Variants in EML6 observed in about 807,000 individuals in gnomAD.
EML6 encodes echinoderm microtubule-associated protein-like 6.
Under a neutral mutation model 240.1 loss-of-function variants are expected in EML6, and 154 were observed. The ratio of observed to expected loss-of-function variants is 0.64; its 90% CI spans 0.56 to 0.73. The LOEUF (loss-of-function observed/expected upper bound fraction) is 0.73. Among genes scored for constraint, EML6 ranks in the 30% least tolerant of loss-of-function variants. EML6 has a pLI of 0.00. For missense variants in EML6, 2,964 were observed against 2,474.6 expected, an observed-to-expected ratio of 1.20 and a Z score of -4.20; for synonymous variants, 1,148 against 899.0, an observed-to-expected ratio of 1.28 and a Z score of -4.95.
At chr2:54,957,723 G>A (rs1052974793) in intron 32 of EML6, 67 bp from the exon 33 acceptor site, 21 of 1,447,428 alleles carry the variant, frequency 1.5e-5, no homozygotes, top group Non-Finnish European at 3.8e-6. Flanking sequence ...GACCTCCTGG[G>A]CTGCGGCTCC....
chr2:54,740,721 T>TC (rs397752334), intron 2 of EML6, among the ~76,000 whole-genome samples: 3 of 151,866 alleles, frequency 2.0e-5, no homozygotes, highest in African/African-American at 4.8e-5. Flanking sequence ...TTTTTTTTTT[T>TC]CTTGGGACAA....
intron 26 of EML6, among the ~76,000 whole-genome samples, chr2:54,926,044 G>T (rs148642002): frequency 1.3e-5 from 2 of 152,120 alleles, no homozygotes; most frequent in African/African-American, 4.8e-5. Flanking sequence ...CAGCTTTCAC[G>T]AGATTCTCAG....
In EML6 at chr2:54,853,754, C is replaced by T; in HGVS notation, c.1556C>T (p.Thr519Ile). The T allele has an allele frequency of 2.6e-6, 4 of 1,551,382 alleles. No individual in the cohort carries two copies. Among genetic ancestry groups the T allele is most frequent in the South Asian group, 1.2e-5 (1 of 84,056 alleles). Residue 519 changes from threonine to isoleucine, a missense_variant, in exon 11 of 42, where the codon ACT (threonine) becomes ATT (isoleucine). Physicochemically the swap from Thr to Ile is moderately conservative, Grantham distance 89 (BLOSUM62 -1). Transcript: ENST00000356458. ...ATTTGGCCCAAATACACTGAGGTTA[C>T]TGACATCAACTCAGTGGATGCGAAT... is the stretch of plus-strand genomic sequence containing the variant. ...SGIWPKYTEV[T>I]DINSVDANYN...
At chr2:54,821,832 G>C (rs922237979) in intron 5 of EML6, among the ~76,000 whole-genome samples, 1 of 151,918 alleles carries the variant, frequency 6.6e-6, no homozygotes, top group Admixed American at 6.6e-5. Flanking sequence ...GAATTAAAGA[G>C]GTAAGTTTCA....
At chr2:54,959,902 C>A (rs977647378) in intron 34 of EML6, among the ~76,000 whole-genome samples, 9 of 152,214 alleles carry the variant, frequency 5.9e-5, no homozygotes, top group Non-Finnish European at 1.2e-4. Flanking sequence ...GATGCAGAAG[C>A]AAAGCCTGAA....
intron 28 of EML6, among the ~76,000 whole-genome samples, chr2:54,933,323 C>T (rs1674959598): frequency 6.6e-6 from 1 of 152,286 alleles, no homozygotes; most frequent in African/African-American, 2.4e-5. Flanking sequence ...AATCACTTCA[C>T]CTCTCTGTAA....
intron 2 of EML6, among the ~76,000 whole-genome samples, chr2:54,753,699 T>A (rs1331541037): frequency 6.6e-6 from 1 of 150,684 alleles, no homozygotes; most frequent in African/African-American, 2.5e-5. Flanking sequence ...TGGGTCTGAT[T>A]CTGTGGCTCA....
chr2:54,777,332 G>A (rs1412792197), intron 2 of EML6, among the ~76,000 whole-genome samples: 3 of 152,212 alleles, frequency 2.0e-5, no homozygotes, highest in Non-Finnish European at 4.4e-5. Flanking sequence ...CTGCTCTGCA[G>A]GATATCATTT....
intron 11 of EML6, among the ~76,000 whole-genome samples, chr2:54,856,810 C>T (rs552968429): frequency 2.0e-5 from 3 of 152,270 alleles, no homozygotes; most frequent in African/African-American, 7.2e-5. Flanking sequence ...GTGACCAATC[C>T]AAGCTTTTAA....
chr2:54,751,839 A>C (rs1423666291), intron 2 of EML6, among the ~76,000 whole-genome samples: 1 of 152,164 alleles, frequency 6.6e-6, no homozygotes, highest in Non-Finnish European at 1.5e-5. Flanking sequence ...AAACTGAGGC[A>C]GTTAGAGGGT....
At chr2:54,744,951 CA>C (rs1368273357) in intron 2 of EML6, among the ~76,000 whole-genome samples, 3,513 of 120,246 alleles carry the variant, frequency 0.029, 84 homozygotes, top group South Asian at 0.034. Flanking sequence ...CACACACACA[CA>C]CACACACACA....
intron 21 of EML6, 45 bp from the exon 22 acceptor site, chr2:54,899,596 A>G (rs1207415636): frequency 2.0e-6 from 3 of 1,530,960 alleles, no homozygotes; most frequent in Non-Finnish European, 2.6e-6. Context: ...GGGCTAGCCA[A>G]ACAGCATAAG....
rs933137806 is a variant in EML6 at position 54,928,517 on chromosome 2, G to A, written c.3877+3G>A. On this transcript the variant is annotated splice_donor_region_variant and intron_variant, in intron 27 of 41. Transcript: ENST00000356458. ...CACCGACGTGGAAGAGGATGGAGGT[G>A]AGCCCCCCACCTGCCACATGCCTCC... The A allele has an allele frequency of 1.4e-5, 21 of 1,544,314 alleles. No homozygotes were observed. The African/African-American group carries it at 1.5e-4, about 11-fold the overall frequency.
intron 2 of EML6, among the ~76,000 whole-genome samples, chr2:54,728,889 C>T (rs1297852053): frequency 6.6e-6 from 1 of 152,120 alleles, no homozygotes; most frequent in East Asian, 1.9e-4. Flanking sequence ...TTCCCACTTG[C>T]CATATGATGA....
chr2:54,936,179 C>A (rs1183054059), intron 28 of EML6, among the ~76,000 whole-genome samples: 1 of 152,210 alleles, frequency 6.6e-6, no homozygotes, highest in Non-Finnish European at 1.5e-5. Context: ...ATCAAATTAT[C>A]ATGTGGCTTC....
At chr2:54,867,816 C>T (rs539159861) in intron 14 of EML6, 1 of 152,298 alleles carries the variant, frequency 6.6e-6, no homozygotes, top group Admixed American at 6.5e-5. Context: ...ATTCATATTT[C>T]TACCTAAGTT....
At position 54,890,425 on chromosome 2, in the gene EML6, C is replaced by T. The variant is rs979468066; in HGVS notation, c.2439-629C>T. ...GCTGTGAGATGCCAAGTCTACAGCC[C>T]AGGTCTACAATGGAACTTTGCACTT... On this transcript the variant is annotated intron_variant, in intron 17 of 41. Transcript: ENST00000356458. 9.2e-5 allele frequency among the ~76,000 whole-genome samples: 14 copies of T among 152,116 alleles called. 1 individual carries two copies. Among genetic ancestry groups the T allele is most frequent in the African/African-American group, 3.1e-4 (13 of 41,404 alleles).
At chr2:54,793,986 C>T (rs115299318) in intron 2 of EML6, among the ~76,000 whole-genome samples, 366 of 152,304 alleles carry the variant, frequency 2.4e-3, no homozygotes, top group Non-Finnish European at 3.6e-3. Flanking sequence ...AATAGCTCTT[C>T]GGTCAATTCC....
At chr2:54,865,307 A>G (rs4671980) in intron 13 of EML6, among the ~76,000 whole-genome samples, 139,330 of 148,902 alleles carry the variant, frequency 0.94, 65,301 homozygotes, top group Middle Eastern at 0.99. Flanking sequence ...TAGTTAACAC[A>G]GTCTCTGTAT....
Sources: gnomAD v4.1 joint callset for allele counts (sites outside exome capture counted in the v4.1 genomes callset) on GRCh38, gnomAD v4.1.1 for gene constraint, MANE v1.5 for transcripts, NCBI Gene and HGNC (gene_info 2026-07-23, HGNC 2026-07-21) for gene names.